The following WDR37 variants were observed in gnomAD, a reference collection of about 807,000 sequenced individuals.
The protein encoded by WDR37 is WD repeat-containing protein 37.
A neutral mutation model predicts 62.9 loss-of-function variants in WDR37; 19 were observed. The observed-to-expected ratio is 0.30, with a 90% CI of 0.21 to 0.44. The LOEUF is 0.44. Among genes scored for constraint, WDR37 ranks in the 20% least tolerant of loss-of-function variants. The pLI, the probability that WDR37 is intolerant of heterozygous loss-of-function variation, is 1.00. For synonymous variants in WDR37, 250 were observed against 260.9 expected (o/e 0.96, Z 0.40); for missense variants, 474 against 657.6 (o/e 0.72, Z 3.05).
chr10:1,057,866 A>G (rs1485701622), intron 1 of WDR37, among the ~76,000 whole-genome samples: 3 of 152,226 alleles, frequency 2.0e-5, no homozygotes, highest in Non-Finnish European at 4.4e-5. Context: ...TAAATTCAGT[A>G]TGTTGGCCTG....
intron 2 of WDR37, chr10:1,074,519 C>T (rs1420402673): frequency 1.5e-6 from 2 of 1,303,938 alleles, no homozygotes; most frequent in Non-Finnish European, 2.0e-6. Flanking sequence ...GTAAGTGGCC[C>T]CCGTGAGGTG....
Position 1,131,480 on chromosome 10 carries a change from C to T in WDR37, c.*2136C>T, listed in dbSNP as rs1013516679. 3.9e-5 allele frequency: 6 copies of T among 152,334 alleles called. No individual in the cohort carries two copies. Among genetic ancestry groups the T allele is most frequent in the Admixed American group, 1.3e-4 (2 of 15,290 alleles). 9.4% of individuals were successfully genotyped at this position (152,334 alleles called of 1,614,324 possible). ...GGCACACTGGTGCCCTTTACTGCCA[C>T]AGCTGCTCACCTTGTCTGGCAAACT... On this transcript the variant is annotated 3_prime_UTR_variant, in exon 14 of 14. Transcript: ENST00000263150.
intron 11 of WDR37, among the ~76,000 whole-genome samples, chr10:1,113,466 T>TA (rs1305999221): frequency 6.6e-6 from 1 of 151,984 alleles, no homozygotes; most frequent in Admixed American, 6.5e-5. Flanking sequence ...ATTTAAAAAA[T>TA]ACACTTTGTA....
chr10:1,078,786 A>G (rs1179842973), intron 3 of WDR37, among the ~76,000 whole-genome samples: 1 of 152,224 alleles, frequency 6.6e-6, no homozygotes, highest in East Asian at 1.9e-4. Flanking sequence ...AAGTGCTGGG[A>G]TTATAGGTGT....
In WDR37 at chr10:1,072,077, C is replaced by T. The variant is rs74120410; in HGVS notation, c.-40-39C>T. ...TCACTGTTTTTCTTTTGTTTCAACT[C>T]GCTGTATCAGAAACACTGTTTTTTC... On this transcript the variant is annotated intron_variant, in intron 1 of 13. Transcript: ENST00000263150. 7,886 of 1,514,398 alleles carry T rather than the reference C, an allele frequency of 5.2e-3. 38 individuals carry two copies. The highest frequency in any genetic ancestry group is 0.021 in the African/African-American group (1,471 of 71,700). 93.8% of individuals were successfully genotyped at this position (1,514,398 alleles called of 1,614,324 possible).
intron 1 of WDR37, among the ~76,000 whole-genome samples, chr10:1,059,520 C>T (rs1833306061): frequency 6.7e-6 from 1 of 148,862 alleles, no homozygotes; most frequent in Non-Finnish European, 1.5e-5. Flanking sequence ...AGAATCTGGC[C>T]AGGCGCAGTG....
chr10:1,120,134 A>G (rs1171804396), intron 11 of WDR37, among the ~76,000 whole-genome samples: 1 of 152,212 alleles, frequency 6.6e-6, no homozygotes, highest in Admixed American at 6.5e-5. Context: ...GAGTTCGTCA[A>G]ATGAATGCTT....
At chr10:1,064,359 A>T (rs1001976602) in intron 1 of WDR37, among the ~76,000 whole-genome samples, 3 of 152,064 alleles carry the variant, frequency 2.0e-5, no homozygotes, top group Non-Finnish European at 4.4e-5. Flanking sequence ...GAAAGAGAGA[A>T]GGACGGGGTG....
chr10:1,108,079 C>T (rs4880766), intron 11 of WDR37, among the ~76,000 whole-genome samples: 85,464 of 152,162 alleles, frequency 0.56, 24,916 homozygotes, highest in Non-Finnish European at 0.65. Context: ...AGGAAAACTC[C>T]AGCATGCATT....
intron 3 of WDR37, 110 bp downstream of exon 3, chr10:1,078,113 A>G (rs942416678): frequency 4.8e-5 from 39 of 808,304 alleles, no homozygotes; most frequent in Non-Finnish European, 7.1e-5. Context: ...TAGCAAACTT[A>G]AACTTATTTT....
intron 7 of WDR37, among the ~76,000 whole-genome samples, chr10:1,092,808 T>C (rs1834439762): frequency 7.1e-6 from 1 of 140,376 alleles, no homozygotes; most frequent in Non-Finnish European, 1.5e-5. Context: ...AGGTCAAAGC[T>C]GTAGTGAGCT....
chr10:1,057,809 T>G (rs1362994736), intron 1 of WDR37, among the ~76,000 whole-genome samples: 1 of 152,228 alleles, frequency 6.6e-6, no homozygotes, highest in African/African-American at 2.4e-5. Flanking sequence ...TAGAAAAGTG[T>G]TAATTGCTTG....
intron 7 of WDR37, among the ~76,000 whole-genome samples, chr10:1,089,385 G>A (rs1401793967): frequency 6.6e-6 from 1 of 152,102 alleles, no homozygotes; most frequent in Admixed American, 6.5e-5. Context: ...GGGCCTCTGG[G>A]CCTGGGGGCC....
At chr10:1,062,085 A>G (rs751076746) in intron 1 of WDR37, among the ~76,000 whole-genome samples, 1 of 152,052 alleles carries the variant, frequency 6.6e-6, no homozygotes, top group Non-Finnish European at 1.5e-5. Context: ...GATAGGACCA[A>G]TACAGACACT....
intron 5 of WDR37, among the ~76,000 whole-genome samples, chr10:1,082,844 C>A (rs1834073572): frequency 6.6e-6 from 1 of 152,308 alleles, no homozygotes; most frequent in Non-Finnish European, 1.5e-5. Flanking sequence ...TCTGTTCTTA[C>A]CCTGCGAATG....
chr10:1,065,112 G>A (rs1335049225), intron 1 of WDR37, among the ~76,000 whole-genome samples: 1 of 152,212 alleles, frequency 6.6e-6, no homozygotes, highest in Non-Finnish European at 1.5e-5. Context: ...GGAACATCAG[G>A]AGGGAAGAAC....
chr10:1,115,679 C>T (rs1397862755), intron 11 of WDR37, among the ~76,000 whole-genome samples: 2 of 152,184 alleles, frequency 1.3e-5, no homozygotes, highest in Non-Finnish European at 2.9e-5. Flanking sequence ...AGCTGGCCGC[C>T]TGGGAGGTGC....
intron 11 of WDR37, among the ~76,000 whole-genome samples, chr10:1,111,987 C>T (rs1835231801): frequency 6.6e-6 from 1 of 152,008 alleles, no homozygotes; most frequent in South Asian, 2.1e-4. Context: ...CTGCAACCTC[C>T]ACCTCCTGGG....
intron 11 of WDR37, among the ~76,000 whole-genome samples, chr10:1,118,813 G>T (rs1237849557): frequency 6.6e-6 from 1 of 152,170 alleles, no homozygotes; most frequent in African/African-American, 2.4e-5. Context: ...CTGTCTCCCT[G>T]CCCTGATGGC....
Sources: allele counts gnomAD v4.1 joint callset (sites outside exome capture counted in the v4.1 genomes callset), GRCh38; gene constraint gnomAD v4.1.1; transcripts MANE v1.5; gene names NCBI Gene and HGNC (gene_info 2026-07-23, HGNC 2026-07-21).